The following LRRK2 variants were observed in gnomAD, a reference collection of about 807,000 sequenced individuals.
LRRK2 encodes leucine rich repeat kinase 2, also known as leucine-rich repeat serine/threonine-protein kinase 2.
Under a neutral mutation model 302.6 loss-of-function variants are expected in LRRK2, and 203 were observed. The observed-to-expected ratio is 0.67, with a 90% CI of 0.60 to 0.75. LRRK2 has a LOEUF of 0.75. LRRK2 is among the 30% of genes least tolerant of loss of function. The pLI, the probability that LRRK2 is intolerant of heterozygous loss-of-function variation, is 0.00. For synonymous variants in LRRK2, 1,066 were observed against 1,031.9 expected, an observed-to-expected ratio of 1.03 and a Z score of -0.63; for missense variants, 2,830 against 2,951.0, an observed-to-expected ratio of 0.96 and a Z score of 0.95.
At chr12:40,227,289 G>A (rs1056225658) in intron 2 of LRRK2, among the ~76,000 whole-genome samples, 1 of 152,088 alleles carries the variant, frequency 6.6e-6, no homozygotes, top group Admixed American at 6.6e-5. Flanking sequence ...CCGTCACCTC[G>A]AACATTTTTC....
At chr12:40,342,410 T>A (rs1462082956) in intron 41 of LRRK2, among the ~76,000 whole-genome samples, 2 of 152,004 alleles carry the variant, frequency 1.3e-5, no homozygotes, top group Non-Finnish European at 2.9e-5. Context: ...ACAGATCATG[T>A]CAGAAACCCA....
intron 19 of LRRK2, among the ~76,000 whole-genome samples, 180 bp downstream of exon 19, chr12:40,284,313 A>G (rs1027910428): frequency 2.0e-5 from 3 of 148,402 alleles, no homozygotes; most frequent in African/African-American, 7.4e-5. Flanking sequence ...TAAGTTCTTT[A>G]TGAGATAGCA....
intron 49 of LRRK2, chr12:40,366,217 G>A (rs935430927): frequency 6.6e-6 from 1 of 151,718 alleles, no homozygotes; most frequent in Admixed American, 6.6e-5. Flanking sequence ...GCTATATTTT[G>A]CCTCAGGGAT....
rs1942887564 is a variant in LRRK2, at chr12:40,263,870, T to C, written c.1625T>C (p.Ile542Thr). The change falls in exon 14 of 51, where the codon ATT becomes ACT. Residue 542 changes from isoleucine to threonine, a missense_variant. Ile to Thr is a moderately conservative substitution (Grantham distance 89). Coordinates refer to ENST00000298910, the MANE Select transcript of LRRK2 (RefSeq NM_198578.4). ...MVKKQCFKND[I>T]HKLVLAALNR... ...AAAAAACAGTGTTTCAAGAATGATA[T>C]TCACAAACTGGTCCTAGCAGCTTTG... 5.6e-6 allele frequency: 9 copies of C among 1,612,538 alleles called. No homozygotes were observed. The highest frequency in any genetic ancestry group is 1.1e-5 in the South Asian group (1 of 90,912).
intron 38 of LRRK2, among the ~76,000 whole-genome samples, chr12:40,326,798 T>C (rs936611045): frequency 1.3e-5 from 2 of 152,176 alleles, no homozygotes; most frequent in African/African-American, 4.8e-5. Flanking sequence ...TTTTTAAAAG[T>C]CAAATATTAA....
In LRRK2 at chr12:40,274,613, G is replaced by A. The variant is rs1943371159; in HGVS notation, c.1687G>A (p.Gly563Arg). Residue 563 changes from glycine (G) to arginine (R), a missense_variant, in exon 15 of 51, where the codon GGA (glycine) becomes AGA (arginine). Physicochemically the swap from Gly to Arg is moderately radical, Grantham distance 125. Around this residue, in one of 3 missense-constraint regions of LRRK2, gnomAD observed 2,121 missense variants for 2,148.0 expected, o/e 0.99. Coordinates refer to ENST00000298910, the MANE Select transcript of LRRK2 (RefSeq NM_198578.4). ...TGGAAATCCTGGGATTCAGAAATGT[G>A]GATTAAAAGTAATTTCTTCTATTGT... Reference protein sequence around the residue: ...FIGNPGIQKCGLKVISSIVHF... With the variant: ...FIGNPGIQKCRLKVISSIVHF... 6.2e-7 allele frequency: 1 copy of A among 1,613,652 alleles called. No homozygotes were observed.
chr12:40,367,573 C>A, intron 50 of LRRK2, 71 bp from the exon 51 acceptor site: 2 of 1,499,114 alleles, frequency 1.3e-6, no homozygotes, highest in Non-Finnish European at 1.8e-6. Context: ...ATACATGAGC[C>A]AAACTGAAAT....
At chr12:40,354,576 A>G (rs1356305140) in intron 45 of LRRK2, 84 bp downstream of exon 45, 3 of 1,235,382 alleles carry the variant, frequency 2.4e-6, no homozygotes, top group Non-Finnish European at 3.5e-6. Flanking sequence ...TGCATCAGCA[A>G]AGATTGTTCA....
At chr12:40,252,100 G>T (rs564387845) in intron 10 of LRRK2, among the ~76,000 whole-genome samples, 4 of 152,184 alleles carry the variant, frequency 2.6e-5, no homozygotes, top group Non-Finnish European at 5.9e-5. Context: ...GATACAAGCT[G>T]TAGCAAGGAG....
intron 11 of LRRK2, among the ~76,000 whole-genome samples, chr12:40,256,028 T>C (rs1942483504): frequency 6.6e-6 from 1 of 152,198 alleles, no homozygotes; most frequent in Non-Finnish European, 1.5e-5. Context: ...TCTGCCACTT[T>C]CAAAGTGTTG....
At chr12:40,247,669 TAA>T (rs1565677900) in intron 7 of LRRK2, among the ~76,000 whole-genome samples, 14 of 81,612 alleles carry the variant, frequency 1.7e-4, no homozygotes, top group Admixed American at 3.1e-4. Flanking sequence ...TATACAAATA[TAA>T]ATATATACAT....
chr12:40,225,507 G>A, intron 1 of LRRK2, 48 bp from the exon 2 acceptor site: 1 of 1,491,648 alleles, frequency 6.7e-7, no homozygotes, highest in Admixed American at 1.7e-5. Context: ...GAGAGGGGGT[G>A]CTGTGGATTG....
chr12:40,324,275 G>A (rs1006529173), intron 38 of LRRK2, among the ~76,000 whole-genome samples: 4 of 152,180 alleles, frequency 2.6e-5, no homozygotes, highest in Non-Finnish European at 4.4e-5. Context: ...TATTTATGGT[G>A]TACAACATGA....
intron 6 of LRRK2, among the ~76,000 whole-genome samples, chr12:40,242,172 C>A (rs1294865155): frequency 1.3e-5 from 2 of 152,054 alleles, no homozygotes; most frequent in Non-Finnish European, 2.9e-5. Flanking sequence ...AAAACATTTG[C>A]TTTTCAGTCT....
intron 27 of LRRK2, chr12:40,305,102 C>T (rs921509659): frequency 1.3e-5 from 2 of 152,140 alleles, no homozygotes; most frequent in African/African-American, 2.4e-5. Context: ...TTGCTCCATT[C>T]TCTCTGTTGT....
intron 47 of LRRK2, among the ~76,000 whole-genome samples, chr12:40,362,446 A>T (rs4767973): frequency 6.6e-6 from 1 of 151,864 alleles, no homozygotes; most frequent in Non-Finnish European, 1.5e-5. Flanking sequence ...AGACTGCTTG[A>T]TTATATCAGA....
intron 23 of LRRK2, 144 bp from the exon 24 acceptor site, chr12:40,298,099 T>C: frequency 3.8e-6 from 3 of 788,582 alleles, no homozygotes; most frequent in Non-Finnish European, 6.0e-6. Context: ...ATTAGTATAC[T>C]GAAATTCTGT....
intron 24 of LRRK2, among the ~76,000 whole-genome samples, chr12:40,298,824 C>CAT (rs960158836): frequency 5.1e-5 from 4 of 78,432 alleles, no homozygotes; most frequent in Admixed American, 1.5e-4. Flanking sequence ...ATATATAATA[C>CAT]ATATATTATA....
Position 40,335,131 on chromosome 12 carries a change from T to A in LRRK2, c.5922T>A (p.Ile1974=), listed in dbSNP as rs1240025455. 6.2e-7 allele frequency: 1 copy of A among 1,614,074 alleles called. No homozygotes were observed. The highest frequency in any genetic ancestry group is 1.7e-5 in the Admixed American group (1 of 60,002). Residue 1974 remains isoleucine, a synonymous_variant, in exon 40 of 51, where the codon ATT becomes ATA. Coordinates refer to ENST00000298910, the MANE Select transcript of LRRK2 (RefSeq NM_198578.4). The part of the protein sequence containing the change: ...ASLTRTLQHR[I]ALHVADGLRY... ...TCACTAGAACCCTACAGCACAGGAT[T>A]GCACTCCACGTAGCTGATGGTTTGA...
Sources: allele counts gnomAD v4.1 joint callset (sites outside exome capture counted in the v4.1 genomes callset), GRCh38; gene constraint gnomAD v4.1.1; regional missense constraint gnomAD v4.1.1; transcripts MANE v1.5; gene names NCBI Gene and HGNC (gene_info 2026-07-23, HGNC 2026-07-21).